The following RBM5 variants were observed in gnomAD, a reference collection of about 807,000 sequenced individuals.
The protein encoded by RBM5 is RNA binding motif protein 5.
RBM5 carries 15 observed loss-of-function variants against 124.6 expected under a neutral mutation model. That is an observed-to-expected ratio of 0.12 (90% CI 0.08 to 0.19). RBM5 has a LOEUF of 0.19. Among genes scored for constraint, RBM5 ranks in the 10% least tolerant of loss-of-function variants. The probability of loss-of-function intolerance (pLI) is 1.00; values close to 1 mark genes in which losing one functional copy is unlikely to be tolerated. For synonymous variants in RBM5, 337 were observed against 361.2 expected (o/e 0.93, Z 0.76); for missense variants, 580 against 1,026.5 (o/e 0.57, Z 5.94).
At chr3:50,105,269 G>A in intron 9 of RBM5, 127 bp downstream of exon 9, 1 of 778,600 alleles carries the variant, frequency 1.3e-6, no homozygotes, top group Non-Finnish European at 2.0e-6. Flanking sequence ...TTAGCTGGGT[G>A]TGGTGGCACA....
In RBM5 at chr3:50,092,177, A is replaced by G; in HGVS notation, c.152A>G (p.Tyr51Cys). 6.2e-7 allele frequency: 1 copy of G among 1,613,938 alleles called. No homozygotes were observed. Among genetic ancestry groups the G allele is most frequent in the Non-Finnish European group, 8.5e-7 (1 of 1,180,024 alleles). Residue 51 changes from tyrosine (Y) to cysteine (C), a missense_variant, in exon 3 of 25, where the codon TAT (tyrosine) becomes TGT (cysteine). Physicochemically the swap from Tyr to Cys is radical, Grantham distance 194. Transcript: ENST00000347869. ...RSSDDRRGDR[Y>C]DDYRDYDSPE... ...AGTGATGATCGGAGGGGTGATAGATATGATGACTACCGAGACTATGACAGT... is the reference window on the plus strand; with the variant it reads ...AGTGATGATCGGAGGGGTGATAGATGTGATGACTACCGAGACTATGACAGT...
chr3:50,091,455 AAT>A (rs1163603136), intron 2 of RBM5, among the ~76,000 whole-genome samples: 5 of 152,178 alleles, frequency 3.3e-5, no homozygotes, highest in African/African-American at 1.2e-4. Flanking sequence ...TTTAGCCAAA[AAT>A]AAACCAGATG....
intron 10 of RBM5, among the ~76,000 whole-genome samples, chr3:50,106,487 G>A (rs902324023): frequency 6.6e-6 from 1 of 152,126 alleles, no homozygotes; most frequent in Non-Finnish European, 1.5e-5. Flanking sequence ...GGCTGGTCTC[G>A]AACTCTTGAC....
chr3:50,093,412 A>G (rs1179886967), intron 3 of RBM5, among the ~76,000 whole-genome samples: 2 of 150,866 alleles, frequency 1.3e-5, no homozygotes, highest in African/African-American at 4.9e-5. Context: ...ACTGCACTCC[A>G]GTCTGGGCAA....
intron 10 of RBM5, 78 bp from the exon 11 acceptor site, chr3:50,106,689 A>G: frequency 9.7e-7 from 1 of 1,026,922 alleles, no homozygotes; most frequent in Non-Finnish European, 1.5e-6. Context: ...ATAGAAAACT[A>G]CTTCTTTGAA....
rs763047260 is a variant in RBM5 at position 50,110,767 on chromosome 3, G to A, written c.1452G>A (p.Ser484=). 2.2e-5 allele frequency: 35 copies of A among 1,602,644 alleles called. 1 individual carries two copies. The highest frequency in any genetic ancestry group is 2.7e-5 in the African/African-American group (2 of 74,648). Residue 484 remains serine, a synonymous_variant, in exon 17 of 25, where the codon TCG becomes TCA. Coordinates refer to ENST00000347869, the MANE Select transcript of RBM5 (RefSeq NM_005778.4). ...PTTGLYYDPN[S]QYYYNSLTQQ... is the part of the protein sequence containing the mutation. ...CAGGGCTCTATTATGACCCCAACTC[G>A]CAAGTAAATGTGCTGCTTTCCTCCT...
intron 11 of RBM5, chr3:50,107,195 T>C: frequency 1.6e-6 from 1 of 630,508 alleles, no homozygotes; most frequent in Non-Finnish European, 2.9e-6. Flanking sequence ...GCTAATAATT[T>C]CATGTATATA....
chr3:50,102,989 C>G, intron 6 of RBM5, 94 bp from the exon 7 acceptor site: 1 of 985,260 alleles, frequency 1.0e-6, no homozygotes, highest in Non-Finnish European at 1.6e-6. Context: ...CCATTTAATT[C>G]CAGAGCACTG....
At chr3:50,090,738 T>C (rs773709418) in intron 2 of RBM5, among the ~76,000 whole-genome samples, 14 of 152,162 alleles carry the variant, frequency 9.2e-5, no homozygotes, top group Non-Finnish European at 1.8e-4. Flanking sequence ...GGAAGGAAGC[T>C]GAAGGATAAG....
intron 6 of RBM5, 42 bp from the exon 7 acceptor site, chr3:50,103,041 G>T: frequency 6.9e-7 from 1 of 1,448,508 alleles, no homozygotes; most frequent in Non-Finnish European, 9.7e-7. Context: ...ATGGACACAT[G>T]TTCCTCACAA....
chr3:50,116,136 C>A (rs2091248299), intron 22 of RBM5, 156 bp downstream of exon 22: 9 of 663,118 alleles, frequency 1.4e-5, no homozygotes, highest in Non-Finnish European at 2.1e-5. Flanking sequence ...TAGACCCAGC[C>A]TCTGTGTGCC....
Position 50,105,120 on chromosome 3 carries a change from G to A in RBM5, c.672G>A (p.Gln224=). The A allele has an allele frequency of 6.3e-7, 1 of 1,597,160 alleles. No homozygotes were observed. Among genetic ancestry groups the A allele is most frequent in the Non-Finnish European group, 8.6e-7 (1 of 1,164,932 alleles). The change falls in exon 9 of 25, where the codon CAG becomes CAA. Residue 224 remains glutamine (Q), a synonymous_variant. Transcript: ENST00000347869. ...CTCCTGGAACCACAGAGTCGGTTCA[G>A]TCTGTGGATTACTACTGTGATAGTA... ...EVPPGTTESV[Q]SVDYYCDTII...
intron 10 of RBM5, among the ~76,000 whole-genome samples, 179 bp from the exon 11 acceptor site, chr3:50,106,588 A>G (rs992606479): frequency 6.6e-6 from 1 of 152,116 alleles, no homozygotes; most frequent in African/African-American, 2.4e-5. Flanking sequence ...AATACTGGAA[A>G]CCTTCACATC....
intron 7 of RBM5, 140 bp downstream of exon 7, chr3:50,103,306 C>A: frequency 1.4e-6 from 1 of 694,676 alleles, no homozygotes; most frequent in Non-Finnish European, 2.5e-6. Flanking sequence ...TTCCTTGGGT[C>A]CTCCTACACT....
At chr3:50,112,565 CT>C (rs947271394) in intron 17 of RBM5, 9 of 152,472 alleles carry the variant, frequency 5.9e-5, no homozygotes, top group African/African-American at 2.2e-4. Context: ...CACCTCTCCT[CT>C]GTTGCAATTC....
chr3:50,108,748 G>A (rs1365422174), intron 14 of RBM5, among the ~76,000 whole-genome samples: 12 of 152,158 alleles, frequency 7.9e-5, no homozygotes. Flanking sequence ...ATTCAGGGCT[G>A]TCATCATGTA....
Position 50,107,518 on chromosome 3 carries a change from T to C in RBM5, c.990T>C (p.Ala330=), listed in dbSNP as rs1061474. The change falls in exon 12 of 25, where the codon GCT becomes GCC. Residue 330 remains alanine (A), a synonymous_variant. Transcript: ENST00000347869. ...TCTCAGATGGTAACCGCGTCAGCGC[T>C]TTCTCTGTAGCTAGTACGGCTATTG... ...LVLSDGNRVS[A]FSVASTAIAA... is the part of the protein sequence containing the mutation. The C allele has an allele frequency of 0.61, 980,912 of 1,607,944 alleles. 306,052 individuals are homozygous for C. Among genetic ancestry groups the C allele is most frequent in the East Asian group, 0.87 (39,099 of 44,820 alleles).
Position 50,108,085 on chromosome 3 carries a change from G to A in RBM5, c.1057G>A (p.Gly353Arg), listed in dbSNP as rs1249720367. The A allele has an allele frequency of 3.7e-6, 6 of 1,608,326 alleles. No homozygotes were observed. Among genetic ancestry groups the A allele is most frequent in the Admixed American group, 1.7e-5 (1 of 59,980 alleles). The change falls in exon 13 of 25, where the codon GGA becomes AGA. Residue 353 changes from glycine (G) to arginine (R), a missense_variant. Physicochemically the swap from Gly to Arg is moderately radical, Grantham distance 125 (BLOSUM62 -2). Coordinates refer to ENST00000347869, the MANE Select transcript of RBM5 (RefSeq NM_005778.4). Reference protein sequence around the residue: ...WSSTQSQSGEGGSVDYSYLQP... With the variant: ...WSSTQSQSGERGSVDYSYLQP... ...TGTTTTGTAGTCTCAAAGTGGTGAA[G>A]GAGGCAGTGTTGACTACAGTTATCT...
In RBM5 at chr3:50,093,785, T is replaced by G. The variant is rs769341522; in HGVS notation, c.249T>G (p.Gly83=). 2.5e-6 allele frequency: 4 copies of G among 1,614,016 alleles called. No homozygotes were observed. Among genetic ancestry groups the G allele is most frequent in the Non-Finnish European group, 3.4e-6 (4 of 1,179,942 alleles). Reference sequence around the variant, plus strand: ...GCTACCATTCAGATGGTGACTATGGTGAGCACGACTATAGGCATGACATCA... The same window carrying G: ...GCTACCATTCAGATGGTGACTATGGGGAGCACGACTATAGGCATGACATCA... The part of the protein sequence containing the change: ...EDGYHSDGDY[G]EHDYRHDISD... The change falls in exon 4 of 25, where the codon GGT becomes GGG. Residue 83 remains glycine, a synonymous_variant. Coordinates refer to ENST00000347869, the MANE Select transcript of RBM5 (RefSeq NM_005778.4).
Sources: gnomAD v4.1 joint callset for allele counts (sites outside exome capture counted in the v4.1 genomes callset) on GRCh38, gnomAD v4.1.1 for gene constraint, MANE v1.5 for transcripts, NCBI Gene and HGNC (gene_info 2026-07-23, HGNC 2026-07-21) for gene names.